Variants in GPHN observed in about 807,000 individuals in gnomAD.
The protein encoded by GPHN is gephyrin.
A neutral mutation model predicts 95.5 loss-of-function variants in GPHN; 17 were observed. That is an observed-to-expected ratio of 0.18 (90% CI 0.12 to 0.27). GPHN has a LOEUF of 0.27. Among genes scored for constraint, GPHN ranks in the 10% least tolerant of loss-of-function variants. GPHN has a pLI of 1.00. For missense variants in GPHN, 660 were observed against 978.1 expected (o/e 0.67, Z 4.34); for synonymous variants, 320 against 322.5 (o/e 0.99, Z 0.08).
At chr14:66,766,295 A>C (rs566252661) in intron 2 of GPHN, among the ~76,000 whole-genome samples, 1 of 152,200 alleles carries the variant, frequency 6.6e-6, no homozygotes, top group Non-Finnish European at 1.5e-5. Flanking sequence ...CAGGAGGTGC[A>C]TGGGACTAAG....
the GPHN span, chr14:67,562,304 A>T: frequency 6.2e-7 from 1 of 1,613,962 alleles, no homozygotes; most frequent in Admixed American, 1.7e-5. Context: ...TGCCCTGCAG[A>T]GCAAGGACTC....
the GPHN span, among the ~76,000 whole-genome samples, chr14:67,368,880 A>G: frequency 2.0e-5 from 3 of 152,210 alleles, no homozygotes; most frequent in Admixed American, 6.5e-5. Context: ...AAAATACAAA[A>G]TACACTATTG....
chr14:67,558,801 TA>T, the GPHN span, among the ~76,000 whole-genome samples: 4 of 152,244 alleles, frequency 2.6e-5, no homozygotes, highest in South Asian at 8.3e-4. Flanking sequence ...AAAGTCCAGG[TA>T]GTAACTATTT....
At chr14:67,066,238 G>T (rs147704979) in intron 11 of GPHN, among the ~76,000 whole-genome samples, 43 of 152,282 alleles carry the variant, frequency 2.8e-4, no homozygotes, top group African/African-American at 1.0e-3. Context: ...TTTTCTTTAA[G>T]AATGTTGAAT....
In GPHN at chr14:67,047,128, T is replaced by C. The variant is rs531045017; in HGVS notation, c.1007-11521T>C. On this transcript the variant is annotated intron_variant, in intron 10 of 22. Coordinates refer to ENST00000478722, the MANE Select transcript of GPHN (RefSeq NM_020806.5). ...GGAACAGAACAAGTCTCCTGATATT[T>C]GCAGTATATCCAAAAAATGAATAAT... 2.6e-5 allele frequency among the ~76,000 whole-genome samples: 4 copies of C among 152,252 alleles called. 1 individual carries two copies. In the South Asian group the frequency reaches 8.3e-4, roughly 32 times the overall value.
intron 3 of GPHN, among the ~76,000 whole-genome samples, chr14:66,813,622 A>G (rs763249839): frequency 4.6e-5 from 7 of 152,238 alleles, no homozygotes; most frequent in Non-Finnish European, 8.8e-5. Context: ...AAGGGCAGCA[A>G]GCCAGCTGAT....
chr14:67,586,217 G>T, the GPHN span: 4 of 1,257,316 alleles, frequency 3.2e-6, no homozygotes, highest in South Asian at 4.9e-5. Context: ...AAAATTGTTG[G>T]TCTTGTCTGT....
chr14:67,435,120 C>T, the GPHN span, among the ~76,000 whole-genome samples: 2 of 151,988 alleles, frequency 1.3e-5, no homozygotes, highest in East Asian at 1.9e-4. Flanking sequence ...GCACCCGCCA[C>T]CATGCCTGGC....
chr14:67,360,039 G>A, the GPHN span: 1 of 495,008 alleles, frequency 2.0e-6, no homozygotes, highest in Non-Finnish European at 3.6e-6. Context: ...TAGGAGCGAA[G>A]CGTGCACGCC....
chr14:67,279,832 C>G, the GPHN span: 1 of 323,142 alleles, frequency 3.1e-6, no homozygotes, highest in East Asian at 4.7e-5. Flanking sequence ...TATATCAAAC[C>G]ACAAACTTTA....
intron 2 of GPHN, chr14:66,760,894 A>G: frequency 2.1e-6 from 2 of 952,794 alleles, no homozygotes; most frequent in Admixed American, 1.8e-5. Flanking sequence ...AAAGTTCAGG[A>G]TATCAAAGAA....
In GPHN at chr14:66,887,002, C is replaced by T. The variant is rs375854500; in HGVS notation, c.389+6969C>T. On this transcript the variant is annotated intron_variant, in intron 5 of 22. Coordinates refer to ENST00000478722, the MANE Select transcript of GPHN (RefSeq NM_020806.5). Reference sequence around the variant, plus strand: ...TAAGGGATCTCTGGAACAAGTCCTTCGGAACAACCAGGTTCTCACAGTAAA... The same window carrying T: ...TAAGGGATCTCTGGAACAAGTCCTTTGGAACAACCAGGTTCTCACAGTAAA... 3.3e-5 allele frequency among the ~76,000 whole-genome samples: 5 copies of T among 152,228 alleles called. No homozygotes were observed. The East Asian group carries it at 5.8e-4, about 18-fold the overall frequency.
the GPHN span, among the ~76,000 whole-genome samples, chr14:67,399,322 G>A: frequency 2.7e-5 from 4 of 148,126 alleles, no homozygotes; most frequent in African/African-American, 7.5e-5. Flanking sequence ...TTAGGTGGCT[G>A]TCAGGTGGCA....
At chr14:67,044,573 A>G (rs1287957051) in intron 10 of GPHN, among the ~76,000 whole-genome samples, 1 of 152,180 alleles carries the variant, frequency 6.6e-6, no homozygotes, top group African/African-American at 2.4e-5. Context: ...AGGTATAGCA[A>G]GAGCCGGTTG....
At chr14:66,754,789 T>TATTTA (rs1405708380) in intron 2 of GPHN, among the ~76,000 whole-genome samples, 2 of 152,026 alleles carry the variant, frequency 1.3e-5, no homozygotes, top group African/African-American at 4.8e-5. Context: ...AAGTTGTCAT[T>TATTTA]ATATCTCAAG....
the GPHN span, chr14:67,619,722 G>T: frequency 2.4e-6 from 1 of 413,488 alleles, no homozygotes; most frequent in Non-Finnish European, 4.4e-6. Flanking sequence ...CATGTCCCTG[G>T]CCGGAGAGCA....
the GPHN span, among the ~76,000 whole-genome samples, chr14:67,310,062 CTTT>C: frequency 2.8e-5 from 4 of 143,776 alleles, no homozygotes; most frequent in Admixed American, 6.9e-5. Flanking sequence ...TGCTCAAGCA[CTTT>C]TTTTTTTTTA....
intron 11 of GPHN, among the ~76,000 whole-genome samples, chr14:67,076,816 T>C (rs961516133): frequency 6.6e-6 from 1 of 152,034 alleles, no homozygotes; most frequent in African/African-American, 2.4e-5. Flanking sequence ...TGTTTTCCTT[T>C]CAGCATTCTA....
the GPHN span, among the ~76,000 whole-genome samples, chr14:67,607,878 AG>A: frequency 6.6e-6 from 1 of 152,178 alleles, no homozygotes; most frequent in Non-Finnish European, 1.5e-5. Flanking sequence ...CCAGAGATAG[AG>A]GTATCCAGTA....
Sources: gnomAD v4.1 joint callset for allele counts (sites outside exome capture counted in the v4.1 genomes callset) on GRCh38, gnomAD v4.1.1 for gene constraint, MANE v1.5 for transcripts, NCBI Gene and HGNC (gene_info 2026-07-23, HGNC 2026-07-21) for gene names.